Variants in MIER3 observed in about 807,000 individuals in gnomAD.
MIER3 encodes MIER family member 3, also known as mesoderm induction early response protein 3.
MIER3 carries 9 observed loss-of-function variants against 63.2 expected under a neutral mutation model. That is an observed-to-expected ratio of 0.14 (90% CI 0.09 to 0.25). The LOEUF is 0.25. Ranked by LOEUF, MIER3 falls within the 10% of genes least tolerant of loss-of-function variation. The pLI, the probability that MIER3 is intolerant of heterozygous loss-of-function variation, is 1.00. For missense variants in MIER3, 512 were observed against 666.2 expected (o/e 0.77, Z 2.55); for synonymous variants, 205 against 224.9 (o/e 0.91, Z 0.79).
At chr5:56,952,171 A>AGCCGCCGCC (rs988158844), upstream of MIER3, 5 of 1,141,306 alleles carry the variant, frequency 4.4e-6, no homozygotes, top group South Asian at 3.8e-5. Flanking sequence ...AGCCAATCGC[A>AGCCGCCGCC]GCCGCCGCCG....
At chr5:56,930,876 G>A in intron 8 of MIER3, 131 bp from the exon 9 acceptor site, 1 of 731,200 alleles carries the variant, frequency 1.4e-6, no homozygotes, top group South Asian at 1.7e-5. Flanking sequence ...CAGGGCATTT[G>A]AAGGTATATT....
chr5:56,947,141 G>A (rs1750853475), intron 2 of MIER3, 70 bp from the exon 3 acceptor site: 1 of 1,484,920 alleles, frequency 6.7e-7, no homozygotes, highest in Non-Finnish European at 9.0e-7. Context: ...AAAAATTTGT[G>A]TTCTTCTGCC....
At position 56,921,272 on chromosome 5, in the gene MIER3, T is replaced by C. The variant is rs1217649616; in HGVS notation, c.*1856A>G. 2.0e-5 allele frequency: 3 copies of C among 152,466 alleles called. No homozygotes were observed. The highest frequency in any genetic ancestry group is 2.1e-4 in the South Asian group (1 of 4,824). The allele number at this position is 152,466 out of a possible 1,614,324, so 9.4% of individuals were successfully genotyped here. A position where few individuals can be genotyped will look rare whatever the true frequency, so the allele number is the denominator to read the frequency against. ...CAGTATCTTACTAAATTATAGAAAG[T>C]GTACTGATTTTTAATAAAAGAAATA... On this transcript the variant is annotated 3_prime_UTR_variant, in exon 13 of 13. Coordinates refer to ENST00000381199, the MANE Select transcript of MIER3 (RefSeq NM_001297599.2).
chr5:56,939,059 C>T, intron 3 of MIER3, 42 bp from the exon 4 acceptor site: 1 of 1,602,606 alleles, frequency 6.2e-7, no homozygotes, highest in Non-Finnish European at 8.5e-7. Flanking sequence ...GCAGATGTCA[C>T]AATACTGAAC....
rs757716929 is a variant in MIER3 at position 56,923,610 on chromosome 5, A to G, written c.1196-25T>C. On this transcript the variant is annotated intron_variant, in intron 12 of 12. Coordinates refer to ENST00000381199, the MANE Select transcript of MIER3 (RefSeq NM_001297599.2). ...GCTAAAAAGGAATGGAAAATTGTTT[A>G]AGTAAGTGGTCCTATGACATCAAAC... 2.3e-5 allele frequency: 37 copies of G among 1,611,404 alleles called. No homozygotes were observed. In the Admixed American group the frequency reaches 6.0e-4, roughly 26 times the overall value.
At chr5:56,938,480 C>T (rs1445561743) in intron 4 of MIER3, 1 of 426,736 alleles carries the variant, frequency 2.3e-6, no homozygotes, top group African/African-American at 2.1e-5. Flanking sequence ...CGGCCGCTGT[C>T]ACTCCCAGAG....
chr5:56,925,685 G>C (rs1344020743), intron 10 of MIER3, among the ~76,000 whole-genome samples: 1 of 152,114 alleles, frequency 6.6e-6, no homozygotes, highest in Non-Finnish European at 1.5e-5. Flanking sequence ...TTCCTAGCTT[G>C]ATCTACCGAT....
At chr5:56,944,997 T>C (rs2112143391) in intron 3 of MIER3, among the ~76,000 whole-genome samples, 1 of 152,316 alleles carries the variant, frequency 6.6e-6, no homozygotes, top group South Asian at 2.1e-4. Context: ...GCCCCCAGCC[T>C]AAATGCCTTT....
Position 56,930,747 on chromosome 5 carries a change from T to C in MIER3, c.748-2A>G. The C allele has an allele frequency of 6.2e-7, 1 of 1,611,100 alleles. No individual in the cohort carries two copies. The highest frequency in any genetic ancestry group is 8.5e-7 in the Non-Finnish European group (1 of 1,177,484). ...ACACTTGAGAAGTTCATATAATGCCTGGGATGGATATTCAATAAAAAGTAT... is the reference window on the plus strand; with the variant it reads ...ACACTTGAGAAGTTCATATAATGCCCGGGATGGATATTCAATAAAAAGTAT... On this transcript the variant is annotated splice_acceptor_variant, in intron 8 of 12. Coordinates refer to ENST00000381199, the MANE Select transcript of MIER3 (RefSeq NM_001297599.2). LOFTEE classifies it high-confidence loss of function.
At chr5:56,949,111 T>G (rs952476247) in intron 2 of MIER3, among the ~76,000 whole-genome samples, 1 of 152,166 alleles carries the variant, frequency 6.6e-6, no homozygotes. Flanking sequence ...ATCCCAGCAC[T>G]TTGGGAGGCC....
rs190971099 is a variant in MIER3, at chr5:56,924,577, A to G, written c.925-535T>C. ...CCCTTGGCAAATGGACCAACGGTCTACAGCATCTGGAATTTAAGATGACTT... is the reference window on the plus strand; with the variant it reads ...CCCTTGGCAAATGGACCAACGGTCTGCAGCATCTGGAATTTAAGATGACTT... On this transcript the variant is annotated intron_variant, in intron 10 of 12. Coordinates refer to ENST00000381199, the MANE Select transcript of MIER3 (RefSeq NM_001297599.2). 1.6e-4 allele frequency among the ~76,000 whole-genome samples: 24 copies of G among 152,366 alleles called. No individual in the cohort carries two copies. The East Asian group carries it at 4.4e-3, about 28-fold the overall frequency.
rs1054207394 is a variant in MIER3 at position 56,952,092 on chromosome 5, A to G, written c.9+2T>C. 1 of 1,300,444 alleles carries G rather than the reference A, an allele frequency of 7.7e-7. No individual in the cohort carries two copies. Among genetic ancestry groups the G allele is most frequent in the Non-Finnish European group, 9.9e-7 (1 of 1,006,866 alleles). The allele number at this position is 1,300,444 out of a possible 1,614,324, so 80.6% of individuals were successfully genotyped here. ...CTGCTCCTGCCCGGTTTCCCTGCTC[A>G]CCTCCGCCATATTGGTACCTTTAGG... On this transcript the variant is annotated splice_donor_variant, in intron 1 of 12. Coordinates refer to ENST00000381199, the MANE Select transcript of MIER3 (RefSeq NM_001297599.2). LOFTEE classifies it high-confidence loss of function.
Position 56,922,724 on chromosome 5 carries a change from C to G in MIER3, c.*404G>C, listed in dbSNP as rs863838. On this transcript the variant is annotated 3_prime_UTR_variant, in exon 13 of 13. Coordinates refer to ENST00000381199, the MANE Select transcript of MIER3 (RefSeq NM_001297599.2). ...ACGGCAAAAGGAATTTACACAAAAA[C>G]AGGCCACACCATTCAGTTCAGAACA... 173,264 of 173,524 alleles carry G rather than the reference C, an allele frequency of 1. 86,504 individuals are homozygous for G. The highest frequency in any genetic ancestry group is 1 in the Middle Eastern group (346 of 346). 10.7% of individuals were successfully genotyped at this position (173,524 alleles called of 1,614,324 possible).
chr5:56,951,974 A>C, intron 1 of MIER3, 120 bp downstream of exon 1: 1 of 826,776 alleles, frequency 1.2e-6, no homozygotes. Context: ...CCGCGTCGCC[A>C]CGCCGCCCCT....
In MIER3 at chr5:56,922,948, A is replaced by C. The variant is rs533487516; in HGVS notation, c.*180T>G. On this transcript the variant is annotated 3_prime_UTR_variant, in exon 13 of 13. Transcript: ENST00000381199. ...ACTCTGCTGATCATAGTTCATTTCC[A>C]CATTTATGGATTGAAAAATGAAAAT... is the stretch of plus-strand genomic sequence containing the variant. 148 of 607,956 alleles carry C rather than the reference A, an allele frequency of 2.4e-4. No homozygotes were observed. The highest frequency in any genetic ancestry group is 2.2e-3 in the Middle Eastern group (5 of 2,262). The allele number at this position is 607,956 out of a possible 1,614,324, so 37.7% of individuals were successfully genotyped here.
Position 56,922,520 on chromosome 5 carries a change from T to C in MIER3, c.*608A>G, listed in dbSNP as rs982835208. 1.3e-5 allele frequency: 2 copies of C among 152,934 alleles called. No individual in the cohort carries two copies. The highest frequency in any genetic ancestry group is 2.4e-5 in the African/African-American group (1 of 41,464). 9.5% of individuals were successfully genotyped at this position (152,934 alleles called of 1,614,324 possible). A position where few individuals can be genotyped will look rare whatever the true frequency, so the allele number is the denominator to read the frequency against. ...AAGATGGACTTGCTGTTTTGTAAAC[T>C]GAAGTGCTCTAGTTGAATAACATGA... On this transcript the variant is annotated 3_prime_UTR_variant, in exon 13 of 13. Coordinates refer to ENST00000381199, the MANE Select transcript of MIER3 (RefSeq NM_001297599.2).
At chr5:56,939,971 T>C (rs1750586622) in intron 3 of MIER3, among the ~76,000 whole-genome samples, 1 of 152,214 alleles carries the variant, frequency 6.6e-6, no homozygotes, top group Non-Finnish European at 1.5e-5. Context: ...GACGCCTTTT[T>C]CAGAATGTAT....
At chr5:56,942,113 C>G (rs1289973643) in intron 3 of MIER3, among the ~76,000 whole-genome samples, 2 of 152,142 alleles carry the variant, frequency 1.3e-5, no homozygotes, top group Non-Finnish European at 2.9e-5. Flanking sequence ...TGGCCAGGAG[C>G]CTGGAGCTCA....
At chr5:56,936,408 T>A (rs754111162) in intron 5 of MIER3, among the ~76,000 whole-genome samples, 1 of 152,026 alleles carries the variant, frequency 6.6e-6, no homozygotes, top group Non-Finnish European at 1.5e-5. Flanking sequence ...CACACACGAA[T>A]GCATGGATAT....
Sources: allele counts gnomAD v4.1 joint callset (sites outside exome capture counted in the v4.1 genomes callset), GRCh38; gene constraint gnomAD v4.1.1; transcripts MANE v1.5; gene names NCBI Gene and HGNC (gene_info 2026-07-23, HGNC 2026-07-21).